The following PLXNA2 variants were observed in gnomAD, a reference collection of about 807,000 sequenced individuals.
The protein encoded by PLXNA2 is plexin-A2.
A neutral mutation model predicts 193.5 loss-of-function variants in PLXNA2; 91 were observed. That is an observed-to-expected ratio of 0.47 (90% CI 0.40 to 0.56). PLXNA2 has a LOEUF of 0.56. PLXNA2 is among the 20% of genes least tolerant of loss of function. The pLI, the probability that PLXNA2 is intolerant of heterozygous loss-of-function variation, is 0.00. For missense variants in PLXNA2, 1,995 were observed against 2,503.2 expected (o/e 0.80, Z 4.33); for synonymous variants, 997 against 1,027.3 (o/e 0.97, Z 0.56).
rs189020327 is a variant in PLXNA2, at chr1:208,027,704, G to T, written c.5589+305C>A. On this transcript the variant is annotated intron_variant, in intron 31 of 31. Transcript: ENST00000367033. ...ATCTGAAATGTAACTGACAGGATCT[G>T]CCCGAATGCAAAGAATAGTTTGATT... 2.5e-3 allele frequency among the ~76,000 whole-genome samples: 376 copies of T among 152,310 alleles called. 9 individuals are homozygous for T. Among genetic ancestry groups the T allele is most frequent in the Admixed American group, 0.024 (368 of 15,306 alleles).
chr1:208,024,256 T>A lies in PLXNA2; in HGVS notation c.*2987A>T, dbSNP rs554773135. 2 of 152,188 alleles carry A rather than the reference T, an allele frequency of 1.3e-5. No homozygotes were observed. The highest frequency in any genetic ancestry group is 2.1e-4 in the South Asian group (1 of 4,822). 9.4% of individuals were successfully genotyped at this position (152,188 alleles called of 1,614,324 possible). On this transcript the variant is annotated 3_prime_UTR_variant, in exon 32 of 32. Coordinates refer to ENST00000367033, the MANE Select transcript of PLXNA2 (RefSeq NM_025179.4). ...GGAGAGGAGCTGTGGCTTTAACACT[T>A]CATCCTTACCCAAGGTCAAAATATC...
intron 4 of PLXNA2, among the ~76,000 whole-genome samples, chr1:208,132,211 T>C (rs1389358368): frequency 6.6e-6 from 1 of 152,074 alleles, no homozygotes; most frequent in Non-Finnish European, 1.5e-5. Context: ...AACAGTGCAC[T>C]ACTCCAATCT....
chr1:208,133,653 A>G (rs1668224369), intron 4 of PLXNA2, among the ~76,000 whole-genome samples: 1 of 152,220 alleles, frequency 6.6e-6, no homozygotes. Context: ...GACCCTTCGG[A>G]ACATCTTCAG....
chr1:208,135,183 C>A (rs898737486), intron 4 of PLXNA2, among the ~76,000 whole-genome samples: 2 of 152,150 alleles, frequency 1.3e-5, no homozygotes, highest in Admixed American at 6.5e-5. Flanking sequence ...GTCTCTCCTG[C>A]ATTTAAGACC....
In PLXNA2 at chr1:208,051,315, C is replaced by A; in HGVS notation, c.3102G>T (p.Gln1034His). Reference protein sequence around the residue: ...VDRAHVDSNLQFEYIDDPRVQ... With the variant: ...VDRAHVDSNLHFEYIDDPRVQ... ...CCCGAGGGTCATCTATGTACTCAAA[C>A]TGCAGGTTGCTATCCACATGGGCTC... The change falls in exon 16 of 32, where the codon CAG becomes CAT. Residue 1034 changes from glutamine (Q) to histidine (H), a missense_variant. This residue lies in a region of PLXNA2 where 1,291 missense variants were observed against 1,673.6 expected (regional missense o/e 0.77). Coordinates refer to ENST00000367033, the MANE Select transcript of PLXNA2 (RefSeq NM_025179.4). The A allele has an allele frequency of 1.2e-6, 2 of 1,613,894 alleles. No homozygotes were observed. The highest frequency in any genetic ancestry group is 2.2e-5 in the South Asian group (2 of 91,000).
chr1:208,075,185 C>T (rs183001427), intron 12 of PLXNA2, among the ~76,000 whole-genome samples: 1 of 152,146 alleles, frequency 6.6e-6, no homozygotes, highest in African/African-American at 2.4e-5. Context: ...GTGGCACGTG[C>T]CTGTAGTACC....
intron 5 of PLXNA2, among the ~76,000 whole-genome samples, chr1:208,102,217 A>G (rs1352028042): frequency 6.6e-6 from 1 of 152,224 alleles, no homozygotes; most frequent in African/African-American, 2.4e-5. Flanking sequence ...CCTGCCGCAG[A>G]GGCTGGAAGC....
At position 208,199,782 on chromosome 1, in the gene PLXNA2, G is replaced by A. The variant is rs144918651; in HGVS notation, c.1371+10498C>T. Among the ~76,000 whole-genome samples the A allele has an allele frequency of 1.1e-4, 16 of 152,236 alleles. No individual in the cohort carries two copies. In the East Asian group the frequency reaches 1.9e-3, roughly 18 times the overall value. ...AAACCTGGGTTCCAGTCTTGCCTCC[G>A]TGGGTAAGAACCTGGGTGAGTTTCA... is the stretch of plus-strand genomic sequence containing the variant. On this transcript the variant is annotated intron_variant, in intron 3 of 31. Transcript: ENST00000367033.
chr1:208,058,035 T>A (rs1665496241), intron 13 of PLXNA2, among the ~76,000 whole-genome samples: 1 of 152,186 alleles, frequency 6.6e-6, no homozygotes, highest in Non-Finnish European at 1.5e-5. Flanking sequence ...ACCAGTCTCC[T>A]GGAATGCAAC....
At chr1:208,128,231 A>G (rs184520657) in intron 4 of PLXNA2, among the ~76,000 whole-genome samples, 35 of 152,330 alleles carry the variant, frequency 2.3e-4, no homozygotes, top group Non-Finnish European at 4.0e-4. Context: ...TTCCTTCCTT[A>G]TTCTTGTCTC....
Position 208,025,969 on chromosome 1 carries a change from C to T in PLXNA2, c.*1274G>A, listed in dbSNP as rs1360905164. The T allele has an allele frequency of 2.6e-5, 4 of 152,566 alleles. No individual in the cohort carries two copies. Among genetic ancestry groups the T allele is most frequent in the Admixed American group, 1.3e-4 (2 of 15,272 alleles). The allele number at this position is 152,566 out of a possible 1,614,324, so 9.5% of individuals were successfully genotyped here. On this transcript the variant is annotated 3_prime_UTR_variant, in exon 32 of 32. Transcript: ENST00000367033. The stretch of plus-strand genomic sequence containing the variant: ...ATGGTCAGGAGCTTCCGTATATGAG[C>T]GAAGGGTGGTCTCCCCTCTCCAGGC...
intron 27 of PLXNA2, 110 bp downstream of exon 27, chr1:208,034,383 G>A: frequency 2.8e-6 from 2 of 703,628 alleles, no homozygotes; most frequent in Non-Finnish European, 5.1e-6. Context: ...GCCTGTGATT[G>A]GGCCAGCAGC....
intron 4 of PLXNA2, among the ~76,000 whole-genome samples, chr1:208,109,002 C>T (rs1667372112): frequency 1.3e-5 from 2 of 152,196 alleles, no homozygotes; most frequent in South Asian, 4.2e-4. Flanking sequence ...AGAATTTAAT[C>T]TCTTTCTTCC....
At chr1:208,204,601 C>T (rs1472443311) in intron 3 of PLXNA2, among the ~76,000 whole-genome samples, 7 of 152,178 alleles carry the variant, frequency 4.6e-5, no homozygotes, top group Non-Finnish European at 5.9e-5. Context: ...CAGGAGTCAC[C>T]GTTGGTGTCT....
At chr1:208,126,158 A>G (rs1667970067) in intron 4 of PLXNA2, among the ~76,000 whole-genome samples, 1 of 152,146 alleles carries the variant, frequency 6.6e-6, no homozygotes, top group Non-Finnish European at 1.5e-5. Flanking sequence ...AAGGCCCACG[A>G]CCATGAACGA....
chr1:208,165,613 T>G (rs1374922652), intron 3 of PLXNA2, among the ~76,000 whole-genome samples: 1 of 152,126 alleles, frequency 6.6e-6, no homozygotes, highest in Non-Finnish European at 1.5e-5. Flanking sequence ...TCTTTCAACT[T>G]CATCTGTCTC....
intron 3 of PLXNA2, among the ~76,000 whole-genome samples, chr1:208,162,708 A>G (rs990659001): frequency 6.6e-6 from 1 of 152,184 alleles, no homozygotes; most frequent in African/African-American, 2.4e-5. Context: ...TGCCTACAAT[A>G]GCTCTATGAG....
intron 3 of PLXNA2, among the ~76,000 whole-genome samples, chr1:208,147,340 A>G (rs970598967): frequency 3.3e-5 from 5 of 152,174 alleles, no homozygotes; most frequent in Admixed American, 6.5e-5. Flanking sequence ...TGACATGAGG[A>G]CATTTAGTCT....
chr1:208,227,394 C>T (rs1248121751), intron 1 of PLXNA2, among the ~76,000 whole-genome samples: 1 of 152,186 alleles, frequency 6.6e-6, no homozygotes, highest in Non-Finnish European at 1.5e-5. Context: ...AATGGAATCT[C>T]AGGAAGCCTA....
Sources: allele counts gnomAD v4.1 joint callset (sites outside exome capture counted in the v4.1 genomes callset), GRCh38; gene constraint gnomAD v4.1.1; regional missense constraint gnomAD v4.1.1; transcripts MANE v1.5; gene names NCBI Gene and HGNC (gene_info 2026-07-23, HGNC 2026-07-21).